Variants in PAWR observed in about 807,000 individuals in gnomAD.
The protein encoded by PAWR is pro-apoptotic WT1 regulator.
In PAWR, 23 loss-of-function variants were observed where a neutral mutation model predicts 32.0. That is an observed-to-expected ratio of 0.72 (90% CI 0.52 to 1.02). The LOEUF (loss-of-function observed/expected upper bound fraction) is 1.02, where lower values mean the gene tolerates loss of function less well. PAWR is among the 50% of genes least tolerant of loss of function. The pLI, the probability that PAWR is intolerant of heterozygous loss-of-function variation, is 0.00. For synonymous variants in PAWR, 226 were observed against 187.1 expected, an observed-to-expected ratio of 1.21 and a Z score of -1.70; for missense variants, 457 against 437.7, an observed-to-expected ratio of 1.04 and a Z score of -0.39.
chr12:79,611,804 T>C (rs960793890), intron 4 of PAWR, among the ~76,000 whole-genome samples: 3 of 152,126 alleles, frequency 2.0e-5, no homozygotes, highest in Non-Finnish European at 2.9e-5. Flanking sequence ...ATATCACAAG[T>C]AATGGTCTCA....
At chr12:79,664,523 T>C (rs1877506252) in intron 2 of PAWR, among the ~76,000 whole-genome samples, 1 of 152,240 alleles carries the variant, frequency 6.6e-6, no homozygotes, top group African/African-American at 2.4e-5. Context: ...TTTTTGTTTG[T>C]TTTTAAACCC....
At chr12:79,644,956 A>G (rs1876499551) in intron 2 of PAWR, among the ~76,000 whole-genome samples, 1 of 151,962 alleles carries the variant, frequency 6.6e-6, no homozygotes. Context: ...AGATCCTATT[A>G]TACTTTCCAT....
rs979490447 is a variant in PAWR at position 79,606,143 on chromosome 12, C to T, written c.683+7432G>A. Among the ~76,000 whole-genome samples the T allele has an allele frequency of 2.0e-5, 3 of 152,062 alleles. No homozygotes were observed. The South Asian group carries it at 6.2e-4, about 32-fold the overall frequency. On this transcript the variant is annotated intron_variant, in intron 4 of 6. Transcript: ENST00000328827. Reference sequence around the variant, plus strand: ...TATGATTCCATTTATCTGAAATATCCAACATAGACAAATCTATAAGGACAG... The same window carrying T: ...TATGATTCCATTTATCTGAAATATCTAACATAGACAAATCTATAAGGACAG...
intron 3 of PAWR, among the ~76,000 whole-genome samples, chr12:79,615,046 A>G (rs1432185457): frequency 6.6e-6 from 1 of 152,206 alleles, no homozygotes; most frequent in Non-Finnish European, 1.5e-5. Context: ...CAGGCTTTCA[A>G]TTTCAATTTG....
intron 2 of PAWR, among the ~76,000 whole-genome samples, chr12:79,637,541 T>TAAAAAAAA (rs112508716): frequency 1.7e-4 from 22 of 132,810 alleles, no homozygotes; most frequent in African/African-American, 5.2e-4. Flanking sequence ...CATTGAACAT[T>TAAAAAAAA]AAAAAAAAAA....
intron 4 of PAWR, chr12:79,604,270 G>C (rs1311633129): frequency 2.0e-6 from 2 of 987,006 alleles, no homozygotes; most frequent in Admixed American, 1.2e-4. Flanking sequence ...ACAAAGACAT[G>C]AACTATAATG....
At chr12:79,645,068 A>ACACACACACACAC (rs1555175769) in intron 2 of PAWR, among the ~76,000 whole-genome samples, 14 of 151,338 alleles carry the variant, frequency 9.3e-5, no homozygotes, top group South Asian at 4.2e-4. Context: ...ACACACACAC[A>ACACACACACACAC]AAAATCAATG....
At chr12:79,596,118 G>A (rs978652559) in intron 5 of PAWR, among the ~76,000 whole-genome samples, 2 of 152,088 alleles carry the variant, frequency 1.3e-5, no homozygotes, top group African/African-American at 4.8e-5. Flanking sequence ...GAATGTCTAT[G>A]GCACAAACCT....
chr12:79,672,348 G>C (rs1004017456), intron 2 of PAWR, among the ~76,000 whole-genome samples: 5 of 152,088 alleles, frequency 3.3e-5, no homozygotes, highest in Admixed American at 1.3e-4. Flanking sequence ...TTTGCTTTAA[G>C]TTGAATACTT....
chr12:79,676,133 G>T (rs558118422), intron 2 of PAWR, among the ~76,000 whole-genome samples: 2 of 151,980 alleles, frequency 1.3e-5, no homozygotes, highest in Admixed American at 6.5e-5. Flanking sequence ...CTGTAAAATA[G>T]AAATAATAAT....
At chr12:79,619,369 T>C (rs535588518) in intron 3 of PAWR, among the ~76,000 whole-genome samples, 2 of 152,206 alleles carry the variant, frequency 1.3e-5, no homozygotes, top group Non-Finnish European at 2.9e-5. Flanking sequence ...AATTCTGATA[T>C]GCCAAAGAGA....
intron 2 of PAWR, among the ~76,000 whole-genome samples, chr12:79,675,309 G>A (rs943217146): frequency 2.6e-5 from 4 of 152,246 alleles, no homozygotes; most frequent in Non-Finnish European, 2.9e-5. Flanking sequence ...AGCCTGGAAG[G>A]TGGAGGTTGC....
intron 2 of PAWR, among the ~76,000 whole-genome samples, chr12:79,654,435 C>G (rs1323878950): frequency 1.3e-5 from 2 of 150,816 alleles, no homozygotes; most frequent in East Asian, 1.9e-4. Flanking sequence ...TTTTTTGTAC[C>G]CTGTCCAAAA....
intron 2 of PAWR, among the ~76,000 whole-genome samples, chr12:79,629,949 T>C (rs1875527117): frequency 6.6e-6 from 1 of 151,988 alleles, no homozygotes; most frequent in Admixed American, 6.6e-5. Context: ...AACATAAAAT[T>C]TGAAATCCAC....
rs1276932882 is a variant in PAWR, at chr12:79,682,381, A to T, written c.516+7348T>A. On this transcript the variant is annotated intron_variant, in intron 2 of 6. Coordinates refer to ENST00000328827, the MANE Select transcript of PAWR (RefSeq NM_002583.4). ...AGCTGCCACAGAATTGTAATCCACA[A>T]TATAAATTCTCTCCTATCTGTTCAC... Among the ~76,000 whole-genome samples, 4 of 152,312 alleles carry T rather than the reference A, an allele frequency of 2.6e-5. No homozygotes were observed. In the East Asian group the frequency reaches 7.7e-4, roughly 29 times the overall value.
In PAWR at chr12:79,587,785, C is replaced by T. The variant is rs1042987463; in HGVS notation, c.*4822G>A. ...GATAGTACAGGAAGAAAAAAAATAA[C>T]CACTGTTGAAAAATAAATGAAAAAA... On this transcript the variant is annotated 3_prime_UTR_variant, in exon 7 of 7. Transcript: ENST00000328827. The T allele has an allele frequency of 1.1e-4, 17 of 151,880 alleles. No homozygotes were observed. The highest frequency in any genetic ancestry group is 3.9e-4 in the African/African-American group (16 of 41,476). 9.4% of individuals were successfully genotyped at this position (151,880 alleles called of 1,614,324 possible).
intron 2 of PAWR, among the ~76,000 whole-genome samples, chr12:79,652,689 T>C (rs540042758): frequency 8.9e-4 from 135 of 152,346 alleles, no homozygotes; most frequent in Non-Finnish European, 1.3e-3. Context: ...TCAATCACCA[T>C]GTGAAAACCT....
At chr12:79,689,674 C>A (rs1258760635) in intron 2 of PAWR, 55 bp downstream of exon 2, 5 of 1,515,610 alleles carry the variant, frequency 3.3e-6, no homozygotes, top group African/African-American at 1.4e-5. Context: ...AGGAAGACAC[C>A]GGGAGGCAGC....
chr12:79,629,157 T>C (rs1875486915), intron 2 of PAWR, among the ~76,000 whole-genome samples: 1 of 151,980 alleles, frequency 6.6e-6, no homozygotes, highest in South Asian at 2.1e-4. Context: ...ACCAAACCAC[T>C]TCAATTATTA....
Sources: gnomAD v4.1 joint callset for allele counts (sites outside exome capture counted in the v4.1 genomes callset) on GRCh38, gnomAD v4.1.1 for gene constraint, MANE v1.5 for transcripts, NCBI Gene and HGNC (gene_info 2026-07-23, HGNC 2026-07-21) for gene names.